The following UNC13C variants were observed in gnomAD, a reference collection of about 807,000 sequenced individuals.
UNC13C encodes the protein protein unc-13 homolog C.
A neutral mutation model predicts 245.4 loss-of-function variants in UNC13C; 174 were observed. The observed-to-expected ratio is 0.71, with a 90% confidence interval of 0.63 to 0.80. UNC13C has a LOEUF of 0.80. UNC13C is among the 30% of genes least tolerant of loss of function. The probability of loss-of-function intolerance (pLI) is 0.00; values close to 1 mark genes in which losing one functional copy is unlikely to be tolerated. For missense variants in UNC13C, 2,829 were observed against 2,602.9 expected, an observed-to-expected ratio of 1.09 and a Z score of -1.89; for synonymous variants, 992 against 895.1, an observed-to-expected ratio of 1.11 and a Z score of -1.93.
At chr15:54,404,133 A>T (rs1180662494) in intron 18 of UNC13C, among the ~76,000 whole-genome samples, 3 of 152,218 alleles carry the variant, frequency 2.0e-5, no homozygotes, top group Non-Finnish European at 4.4e-5. Context: ...ACTGTCTCTT[A>T]AGTTCTAGCT....
At chr15:53,903,896 C>T in the UNC13C span, among the ~76,000 whole-genome samples, 2 of 152,074 alleles carry the variant, frequency 1.3e-5, no homozygotes, top group African/African-American at 4.8e-5. Flanking sequence ...TTGAAATTTC[C>T]ATCTGAGATA....
chr15:54,251,823 G>T (rs1283208089), intron 8 of UNC13C, among the ~76,000 whole-genome samples: 1 of 152,142 alleles, frequency 6.6e-6, no homozygotes, highest in African/African-American at 2.4e-5. Context: ...TAGAAATGCT[G>T]TCACAGCTGA....
intron 2 of UNC13C, among the ~76,000 whole-genome samples, chr15:54,075,897 G>T (rs1898586217): frequency 6.6e-6 from 1 of 151,956 alleles, no homozygotes; most frequent in African/African-American, 2.4e-5. Flanking sequence ...TTTTAAATCT[G>T]CAAGCTCAAC....
chr15:53,946,390 G>A, the UNC13C span, among the ~76,000 whole-genome samples: 2 of 151,652 alleles, frequency 1.3e-5, no homozygotes, highest in African/African-American at 4.8e-5. Flanking sequence ...ATCCTAGATG[G>A]CTCTTATGAT....
At chr15:53,882,678 A>G in the UNC13C span, among the ~76,000 whole-genome samples, 1 of 152,200 alleles carries the variant, frequency 6.6e-6, no homozygotes, top group Admixed American at 6.6e-5. Context: ...ACTTTGTCAA[A>G]TCAATATATC....
chr15:53,902,580 G>A, the UNC13C span, among the ~76,000 whole-genome samples: 1 of 152,126 alleles, frequency 6.6e-6, no homozygotes, highest in African/African-American at 2.4e-5. Context: ...ATTGAGACTA[G>A]CAAGTCTGCT....
At chr15:54,174,819 G>A (rs2033550139) in intron 4 of UNC13C, among the ~76,000 whole-genome samples, 2 of 152,124 alleles carry the variant, frequency 1.3e-5, no homozygotes, top group Non-Finnish European at 1.5e-5. Context: ...TTTGGGTCAT[G>A]TACTGATTAA....
At chr15:53,945,728 C>T in the UNC13C span, among the ~76,000 whole-genome samples, 18 of 150,564 alleles carry the variant, frequency 1.2e-4, no homozygotes, top group Admixed American at 6.0e-4. Flanking sequence ...GTTATTTGAG[C>T]TTTTTTTTTG....
At chr15:54,000,772 G>A (rs1894849332) in intron 1 of UNC13C, among the ~76,000 whole-genome samples, 1 of 152,056 alleles carries the variant, frequency 6.6e-6, no homozygotes, top group South Asian at 2.1e-4. Flanking sequence ...ACAGATTTTT[G>A]TTTAGACACT....
chr15:54,206,498 T>G lies in UNC13C; in HGVS notation c.3072-28532T>G, dbSNP rs1015272869. 1.4e-4 allele frequency among the ~76,000 whole-genome samples: 22 copies of G among 152,246 alleles called. 1 individual carries two copies. Among genetic ancestry groups the G allele is most frequent in the African/African-American group, 5.3e-4 (22 of 41,580 alleles). On this transcript the variant is annotated intron_variant, in intron 4 of 32. Transcript: ENST00000260323. ...TAATTGTTTTGTTTTGACTTTTAAA[T>G]GGCTAATGGTTATTACAGAATGAAC...
chr15:54,329,362 C>A (rs1266236721), intron 14 of UNC13C, among the ~76,000 whole-genome samples: 1 of 151,828 alleles, frequency 6.6e-6, no homozygotes, highest in African/African-American at 2.4e-5. Flanking sequence ...ATTGTGCTAC[C>A]AAACACTGGA....
chr15:54,627,099 G>T lies in UNC13C; in HGVS notation c.6631G>T (p.Glu2211Ter). The T allele has an allele frequency of 6.2e-7, 1 of 1,609,726 alleles. No homozygotes were observed. Residue 2211 changes from glutamate to a stop codon, truncating the protein, a stop_gained, in exon 33 of 33, where the codon GAA (glutamate) becomes TAA (stop). Coordinates refer to ENST00000260323, the MANE Select transcript of UNC13C (RefSeq NM_001080534.3). LOFTEE classifies it high-confidence loss of function. ...VRLKSETRST[E>*]ESA is the part of the protein sequence containing the mutation. ...ACTTAAATCTGAAACAAGATCTACTGAAGAGAGTGCTTGAAACAAACACTG... is the reference window on the plus strand; with the variant it reads ...ACTTAAATCTGAAACAAGATCTACTTAAGAGAGTGCTTGAAACAAACACTG...
intron 13 of UNC13C, among the ~76,000 whole-genome samples, chr15:54,310,782 A>C (rs28605262): frequency 8.7e-5 from 12 of 138,118 alleles, no homozygotes; most frequent in African/African-American, 2.1e-4. Flanking sequence ...ATATCTATAT[A>C]TATGTACATA....
intron 24 of UNC13C, among the ~76,000 whole-genome samples, chr15:54,516,493 C>G (rs749134918): frequency 3.9e-5 from 6 of 152,112 alleles, no homozygotes; most frequent in Non-Finnish European, 5.9e-5. Flanking sequence ...TTGAGAATTA[C>G]TGCTATATGC....
chr15:54,333,257 T>A (rs925398737), intron 15 of UNC13C, among the ~76,000 whole-genome samples: 3 of 152,120 alleles, frequency 2.0e-5, no homozygotes, highest in African/African-American at 7.2e-5. Context: ...CAAACCTCGC[T>A]AAAAGAAACC....
intron 2 of UNC13C, among the ~76,000 whole-genome samples, chr15:54,073,692 A>G (rs1286840359): frequency 2.6e-5 from 4 of 151,966 alleles, no homozygotes; most frequent in African/African-American, 9.7e-5. Context: ...TTTGACAAGT[A>G]TCTGTCCACA....
the UNC13C span, among the ~76,000 whole-genome samples, chr15:53,967,676 C>G: frequency 6.6e-6 from 1 of 152,280 alleles, no homozygotes; most frequent in African/African-American, 2.4e-5. Flanking sequence ...TAAAGAACAG[C>G]TCACCATGTG....
rs188320799 is a variant in UNC13C at position 54,274,526 on chromosome 15, C to A, written c.3818+9030C>A. 3.8e-3 allele frequency among the ~76,000 whole-genome samples: 584 copies of A among 152,084 alleles called. 4 individuals are homozygous for A. Among genetic ancestry groups the A allele is most frequent in the African/African-American group, 0.013 (555 of 41,496 alleles). ...TTGCTAAATAATCCATCCCAACAAG[C>A]AAAATGGAAGAAACACAACTCATGC... On this transcript the variant is annotated intron_variant, in intron 10 of 32. Coordinates refer to ENST00000260323, the MANE Select transcript of UNC13C (RefSeq NM_001080534.3).
At chr15:54,325,004 C>T (rs1488030142) in intron 14 of UNC13C, among the ~76,000 whole-genome samples, 2 of 151,920 alleles carry the variant, frequency 1.3e-5, no homozygotes, top group African/African-American at 4.8e-5. Context: ...TTAGTGTTAG[C>T]GTATTTCATG....
Sources: allele counts gnomAD v4.1 joint callset (sites outside exome capture counted in the v4.1 genomes callset), GRCh38; gene constraint gnomAD v4.1.1; transcripts MANE v1.5; gene names NCBI Gene and HGNC (gene_info 2026-07-23, HGNC 2026-07-21).